MICAL2: variants seen among roughly 807,000 people sequenced by gnomAD.
MICAL2 encodes the protein [F-actin]-monooxygenase MICAL2.
In MICAL2, 77 loss-of-function variants were observed where a neutral mutation model predicts 127.3. That is an observed-to-expected ratio of 0.60 (90% CI 0.50 to 0.73). The LOEUF (loss-of-function observed/expected upper bound fraction) is 0.73. Ranked by LOEUF, MICAL2 falls within the 30% of genes least tolerant of loss-of-function variation. The pLI, the probability that MICAL2 is intolerant of heterozygous loss-of-function variation, is 0.00. For missense variants in MICAL2, 1,351 were observed against 1,434.4 expected (o/e 0.94, Z 0.94); for synonymous variants, 570 against 551.1 (o/e 1.03, Z -0.48).
chr11:12,206,723 G>A (rs1854736521), intron 4 of MICAL2, among the ~76,000 whole-genome samples: 1 of 152,074 alleles, frequency 6.6e-6, no homozygotes, highest in African/African-American at 2.4e-5. Flanking sequence ...CTAGCAGATG[G>A]CCTCCCTCCT....
intron 21 of MICAL2, among the ~76,000 whole-genome samples, chr11:12,246,499 G>T (rs897082001): frequency 6.6e-6 from 1 of 152,250 alleles, no homozygotes; most frequent in African/African-American, 2.4e-5. Context: ...CTACCCTTCA[G>T]TCCTCCTGGG....
intron 2 of MICAL2, among the ~76,000 whole-genome samples, chr11:12,153,725 G>A (rs548574101): frequency 1.3e-5 from 2 of 152,228 alleles, no homozygotes; most frequent in African/African-American, 4.8e-5. Flanking sequence ...CCCAGATCCT[G>A]GTAACCACCA....
chr11:12,132,822 C>A (rs1052998217), intron 1 of MICAL2, among the ~76,000 whole-genome samples: 2 of 152,246 alleles, frequency 1.3e-5, no homozygotes, highest in African/African-American at 4.8e-5. Context: ...CTAGAAGCTA[C>A]CACTTCCATC....
At chr11:12,329,437 C>T (rs1387063767) in intron 32 of MICAL2, among the ~76,000 whole-genome samples, 1 of 152,160 alleles carries the variant, frequency 6.6e-6, no homozygotes, top group Non-Finnish European at 1.5e-5. Context: ...CCAGGGCGTG[C>T]TTCAGTTTGC....
At chr11:12,302,969 G>T (rs1192951163) in intron 29 of MICAL2, among the ~76,000 whole-genome samples, 1 of 152,194 alleles carries the variant, frequency 6.6e-6, no homozygotes, top group East Asian at 1.9e-4. Context: ...TGCCAGGGAG[G>T]CCCCAGGAAA....
chr11:12,288,393 C>T (rs1457954729), downstream of MICAL2, among the ~76,000 whole-genome samples: 1 of 152,172 alleles, frequency 6.6e-6, no homozygotes, highest in Non-Finnish European at 1.5e-5. Flanking sequence ...ATCAGTCCCT[C>T]CTCAGGAAGC....
chr11:12,304,328 T>G (rs1014797761), intron 29 of MICAL2, among the ~76,000 whole-genome samples: 11 of 152,120 alleles, frequency 7.2e-5, no homozygotes, highest in African/African-American at 2.6e-4. Flanking sequence ...TAAGCAGCAT[T>G]TATTAAAAAG....
At chr11:12,146,999 A>T (rs967107551) in intron 2 of MICAL2, among the ~76,000 whole-genome samples, 1 of 152,084 alleles carries the variant, frequency 6.6e-6, no homozygotes, top group Non-Finnish European at 1.5e-5. Context: ...TCATAGGTGG[A>T]AGTTGAACAA....
intron 2 of MICAL2, 60 bp from the exon 3 acceptor site, chr11:12,162,019 C>A (rs1854865564): frequency 3.4e-6 from 4 of 1,168,286 alleles, no homozygotes; most frequent in Non-Finnish European, 4.8e-6. Flanking sequence ...TTCTCAGCAC[C>A]CATCCCCCAC....
At chr11:12,211,453 A>T (rs1855454658) in intron 6 of MICAL2, among the ~76,000 whole-genome samples, 2 of 152,226 alleles carry the variant, frequency 1.3e-5, no homozygotes, top group Non-Finnish European at 2.9e-5. Context: ...ATGAGTGAGA[A>T]TCAGCATGAG....
chr11:12,227,327 A>G lies in MICAL2; in HGVS notation c.1995+196A>G, dbSNP rs1857610034. On this transcript the variant is annotated intron_variant, in intron 15 of 27. Coordinates refer to ENST00000683283, the MANE Select transcript of MICAL2 (RefSeq NM_001282663.2). The stretch of plus-strand genomic sequence containing the variant: ...TCCTGGCACTGTGTAGCTAGTTTCA[A>G]TGACTTCAAAGTGGTTATAGGAAGG... The G allele has an allele frequency of 9.2e-6, 5 of 544,998 alleles. No individual in the cohort carries two copies. The South Asian group carries it at 1.0e-4, about 11-fold the overall frequency. The allele number at this position is 544,998 out of a possible 1,614,324, so 33.8% of individuals were successfully genotyped here.
At chr11:12,323,835 A>G (rs1864326644) in intron 30 of MICAL2, 1 of 929,264 alleles carries the variant, frequency 1.1e-6, no homozygotes, top group African/African-American at 1.7e-5. Context: ...CATTGCAGAG[A>G]GTTCTACCAG....
At chr11:12,181,191 A>G (rs9888155) in intron 3 of MICAL2, among the ~76,000 whole-genome samples, 58,087 of 151,930 alleles carry the variant, frequency 0.38, 11,361 homozygotes, top group Admixed American at 0.44. Context: ...TGGTCCACCC[A>G]CCTTGGCCTC....
At chr11:12,238,033 G>A (rs4757276) in intron 16 of MICAL2, among the ~76,000 whole-genome samples, 43,478 of 152,054 alleles carry the variant, frequency 0.29, 7,662 homozygotes, top group East Asian at 0.79. Context: ...GTTTGTGTTC[G>A]TCCAACACTC....
Position 12,110,883 on chromosome 11 carries a change from A to G in MICAL2, c.-149+157A>G, listed in dbSNP as rs59887220. 0.038 allele frequency among the ~76,000 whole-genome samples: 5,793 copies of G among 152,148 alleles called. 366 individuals carry two copies. Among genetic ancestry groups the G allele is most frequent in the African/African-American group, 0.13 (5,366 of 41,510 alleles). Reference sequence around the variant, plus strand: ...GCCTCAAACCCACCCGGCGGGGCGCACAGTGAGCAGGTGGCGCTGCGACGA... The same window carrying G: ...GCCTCAAACCCACCCGGCGGGGCGCGCAGTGAGCAGGTGGCGCTGCGACGA... On this transcript the variant is annotated intron_variant, in intron 1 of 27. Coordinates refer to ENST00000683283, the MANE Select transcript of MICAL2 (RefSeq NM_001282663.2). This position sits in a 1 kb window ranked among gnomAD's most constrained non-coding sequence, Gnocchi z 4.5.
Position 12,167,571 on chromosome 11 carries a change from G to A in MICAL2, c.264+5152G>A, listed in dbSNP as rs772746709. Among the ~76,000 whole-genome samples the A allele has an allele frequency of 5.3e-5, 8 of 152,138 alleles. No homozygotes were observed. In the South Asian group the frequency reaches 1.2e-3, roughly 24 times the overall value. On this transcript the variant is annotated intron_variant, in intron 3 of 27. Coordinates refer to ENST00000683283, the MANE Select transcript of MICAL2 (RefSeq NM_001282663.2). ...CTCTGAAGTCATCCATCATGGCTGC[G>A]CTGGCTCAGACACTTCAAGGGCCAC...
At chr11:12,165,846 A>T (rs1855449394) in intron 3 of MICAL2, among the ~76,000 whole-genome samples, 1 of 152,254 alleles carries the variant, frequency 6.6e-6, no homozygotes, top group Non-Finnish European at 1.5e-5. Flanking sequence ...GCAGTGGCTC[A>T]GGTGCCAGTT....
At chr11:12,340,696 T>C (rs1042653663) in intron 32 of MICAL2, among the ~76,000 whole-genome samples, 3 of 152,182 alleles carry the variant, frequency 2.0e-5, no homozygotes, top group African/African-American at 4.8e-5. Flanking sequence ...ATGTTATATA[T>C]ACAGCAGTGA....
chr11:12,281,327 C>T (rs531685448), intron 2 of MICAL2, among the ~76,000 whole-genome samples: 2 of 152,312 alleles, frequency 1.3e-5, no homozygotes, highest in African/African-American at 4.8e-5. Context: ...GTGGGGAAGA[C>T]ATCACGGGGA....
Sources: allele counts gnomAD v4.1 joint callset (sites outside exome capture counted in the v4.1 genomes callset), GRCh38; gene constraint gnomAD v4.1.1; non-coding constraint Gnocchi (gnomAD v3.1); transcripts MANE v1.5; gene names NCBI Gene and HGNC (gene_info 2026-07-23, HGNC 2026-07-21).